UNC45B: variants seen among roughly 807,000 people sequenced by gnomAD.
UNC45B encodes the protein unc-45 myosin chaperone B, also known as protein unc-45 homolog B.
A neutral mutation model predicts 98.7 loss-of-function variants in UNC45B; 78 were observed. The ratio of observed to expected loss-of-function variants is 0.79; its 90% CI spans 0.66 to 0.95. The LOEUF (loss-of-function observed/expected upper bound fraction) is 0.95. UNC45B is among the 40% of genes least tolerant of loss of function. The pLI is 0.00. For missense variants in UNC45B, 1,225 were observed against 1,184.9 expected (o/e 1.03, Z -0.50); for synonymous variants, 462 against 480.4 (o/e 0.96, Z 0.50).
intron 19 of UNC45B, among the ~76,000 whole-genome samples, chr17:35,184,768 G>A (rs2092293780): frequency 6.6e-6 from 1 of 152,152 alleles, no homozygotes. Flanking sequence ...CACTTTGTCG[G>A]TCTTCCTTGC....
intron 17 of UNC45B, among the ~76,000 whole-genome samples, chr17:35,179,949 T>G (rs1344093520): frequency 1.3e-5 from 2 of 152,096 alleles, no homozygotes; most frequent in Non-Finnish European, 2.9e-5. Flanking sequence ...AATGTATTCC[T>G]CTTTGGAAGC....
intron 15 of UNC45B, among the ~76,000 whole-genome samples, chr17:35,176,256 C>T (rs555239613): frequency 4.1e-4 from 62 of 152,154 alleles, no homozygotes; most frequent in African/African-American, 1.3e-3. Flanking sequence ...AAGGAAGCAC[C>T]GTGCAAAGAC....
intron 14 of UNC45B, among the ~76,000 whole-genome samples, chr17:35,174,637 T>C (rs564028952): frequency 6.6e-5 from 10 of 151,950 alleles, no homozygotes; most frequent in Non-Finnish European, 1.0e-4. Context: ...TTGGGAAACA[T>C]ATTGAGACCC....
intron 5 of UNC45B, among the ~76,000 whole-genome samples, chr17:35,154,236 A>G (rs1326818809): frequency 6.6e-6 from 1 of 152,190 alleles, no homozygotes; most frequent in Admixed American, 6.5e-5. Flanking sequence ...CTCTGTAAGC[A>G]TTATATACAT....
Position 35,161,423 on chromosome 17 carries a change from T to G in UNC45B, c.979+1878T>G, listed in dbSNP as rs113850130. Among the ~76,000 whole-genome samples, 51 of 151,600 alleles carry G rather than the reference T, an allele frequency of 3.4e-4. 1 individual carries two copies. Among genetic ancestry groups the G allele is most frequent in the African/African-American group, 1.2e-3 (49 of 41,298 alleles). On this transcript the variant is annotated intron_variant, in intron 8 of 19. Transcript: ENST00000394570. ...AGATAGACAGGAGGAAGGTCTAGAG[T>G]GTTTGAACAGAAGAGAAATGAGATG...
chr17:35,164,495 C>T (rs2092124653), intron 9 of UNC45B: 1 of 190,300 alleles, frequency 5.3e-6, no homozygotes, highest in Non-Finnish European at 1.1e-5. Flanking sequence ...CTGCAGCCTG[C>T]TGAAGCGTCT....
chr17:35,157,167 G>T (rs1252491775), intron 7 of UNC45B, among the ~76,000 whole-genome samples: 3 of 152,030 alleles, frequency 2.0e-5, no homozygotes, highest in Non-Finnish European at 4.4e-5. Context: ...CAATTTGCAT[G>T]TTTATACAAA....
At chr17:35,156,197 G>A (rs2092060056) in intron 7 of UNC45B, among the ~76,000 whole-genome samples, 1 of 152,182 alleles carries the variant, frequency 6.6e-6, no homozygotes, top group African/African-American at 2.4e-5. Flanking sequence ...GGATGGAAGA[G>A]GGGAAATGGC....
intron 8 of UNC45B, among the ~76,000 whole-genome samples, chr17:35,160,538 A>G (rs1031793789): frequency 2.6e-5 from 4 of 152,158 alleles, no homozygotes; most frequent in Non-Finnish European, 5.9e-5. Flanking sequence ...CCTGGGCTAC[A>G]GTGATCTTCC....
intron 8 of UNC45B, among the ~76,000 whole-genome samples, chr17:35,163,217 T>A (rs2092113806): frequency 6.6e-6 from 1 of 152,252 alleles, no homozygotes; most frequent in South Asian, 2.1e-4. Context: ...AGATCTTATT[T>A]TGTTGAAGTG....
At position 35,155,419 on chromosome 17, in the gene UNC45B, G is replaced by C. The variant is rs746446715; in HGVS notation, c.763G>C (p.Glu255Gln). Residue 255 changes from glutamate (E) to glutamine (Q), a missense_variant, in exon 7 of 20, where the codon GAG becomes CAG. By Grantham distance (29) the Glu-to-Gln change is conservative (BLOSUM62 2). Coordinates refer to ENST00000394570, the MANE Select transcript of UNC45B (RefSeq NM_001267052.2). ...LQAIIDSLSG[E>Q]DKREHRGKEE... Reference sequence around the variant, plus strand: ...AGCCATCATTGACTCCTTGTCTGGGGAGGACAAGCGGGAGCATCGAGGGAA... The same window carrying C: ...AGCCATCATTGACTCCTTGTCTGGGCAGGACAAGCGGGAGCATCGAGGGAA... 3.7e-6 allele frequency: 6 copies of C among 1,614,204 alleles called. No individual in the cohort carries two copies. In the East Asian group the frequency reaches 1.3e-4, roughly 36 times the overall value.
chr17:35,183,307 A>C, intron 18 of UNC45B, 120 bp from the exon 19 acceptor site: 1 of 1,134,094 alleles, frequency 8.8e-7, no homozygotes, highest in Non-Finnish European at 1.1e-6. Context: ...AGCATGAGTG[A>C]CCTGCTCAAA....
chr17:35,150,780 C>T (rs2092012452), intron 4 of UNC45B, among the ~76,000 whole-genome samples: 1 of 140,770 alleles, frequency 7.1e-6, no homozygotes, highest in Non-Finnish European at 1.5e-5. Context: ...AAAAAAATTC[C>T]AGATGGAGGC....
intron 12 of UNC45B, 97 bp from the exon 13 acceptor site, chr17:35,171,225 A>G: frequency 1.3e-6 from 2 of 1,518,662 alleles, no homozygotes; most frequent in Non-Finnish European, 1.8e-6. Flanking sequence ...CTCCTCCGAC[A>G]CCAACCTGCC....
intron 4 of UNC45B, among the ~76,000 whole-genome samples, chr17:35,152,081 A>C (rs1400676688): frequency 2.0e-5 from 3 of 152,184 alleles, no homozygotes; most frequent in Non-Finnish European, 2.9e-5. Flanking sequence ...CCCCATCTCT[A>C]TTAAAAATAA....
chr17:35,150,145 G>A lies in UNC45B; in HGVS notation c.303G>A (p.Gln101=), dbSNP rs749746537. 6.2e-7 allele frequency: 1 copy of A among 1,613,894 alleles called. No homozygotes were observed. The highest frequency in any genetic ancestry group is 8.5e-7 in the Non-Finnish European group (1 of 1,179,852). ...TGGACCAGGCCTTCAAAGACGTGCA[G>A]CGTTGTGCCACCCTCGAGCCACGGA... ...GKLDQAFKDV[Q]RCATLEPRNQ... Residue 101 remains glutamine, a synonymous_variant, in exon 4 of 20, where the codon CAG becomes CAA. Transcript: ENST00000394570.
chr17:35,186,648 G>T lies in UNC45B; in HGVS notation c.*89G>T. Reference sequence around the variant, plus strand: ...TCTCCTGAAGAGTCAGGTCATCTAGGGATCATAGCAGTGACAATGAAGTCT... The same window carrying T: ...TCTCCTGAAGAGTCAGGTCATCTAGTGATCATAGCAGTGACAATGAAGTCT... On this transcript the variant is annotated 3_prime_UTR_variant, in exon 20 of 20. Coordinates refer to ENST00000394570, the MANE Select transcript of UNC45B (RefSeq NM_001267052.2). 1 of 1,449,220 alleles carries T rather than the reference G, an allele frequency of 6.9e-7. No homozygotes were observed. The highest frequency in any genetic ancestry group is 1.3e-5 in the South Asian group (1 of 76,584). The allele number at this position is 1,449,220 out of a possible 1,614,324, so 89.8% of individuals were successfully genotyped here. A position where few individuals can be genotyped will look rare whatever the true frequency, so the allele number is the denominator to read the frequency against.
chr17:35,177,449 G>C lies in UNC45B; in HGVS notation c.2140-46G>C, dbSNP rs139799473. 1.5e-4 allele frequency: 215 copies of C among 1,427,480 alleles called. 1 individual carries two copies. The East Asian group carries it at 5.2e-3, about 35-fold the overall frequency. 88.4% of individuals were successfully genotyped at this position (1,427,480 alleles called of 1,614,324 possible). A position where few individuals can be genotyped will look rare whatever the true frequency, so the allele number is the denominator to read the frequency against. On this transcript the variant is annotated intron_variant, in intron 16 of 19. Coordinates refer to ENST00000394570, the MANE Select transcript of UNC45B (RefSeq NM_001267052.2). ...TCACCTATAAATGTGAGGCACTCAG[G>C]GAACAAAGTCCTCACCTGACCAAAC...
At chr17:35,169,711 G>C (rs2092168638) in intron 10 of UNC45B, 126 bp from the exon 11 acceptor site, 2 of 761,792 alleles carry the variant, frequency 2.6e-6, no homozygotes, top group Non-Finnish European at 4.5e-6. Flanking sequence ...TCTGCACAGA[G>C]GTGGATCCAA....
Sources: gnomAD v4.1 joint callset for allele counts (sites outside exome capture counted in the v4.1 genomes callset) on GRCh38, gnomAD v4.1.1 for gene constraint, MANE v1.5 for transcripts, NCBI Gene and HGNC (gene_info 2026-07-23, HGNC 2026-07-21) for gene names.